Variants in XPO4 observed in about 807,000 individuals in gnomAD.
XPO4 encodes exportin-4.
A neutral mutation model predicts 143.0 loss-of-function variants in XPO4; 39 were observed. The observed-to-expected ratio is 0.27, with a 90% confidence interval of 0.21 to 0.36. The LOEUF (loss-of-function observed/expected upper bound fraction) is 0.36. Among genes scored for constraint, XPO4 ranks in the 10% least tolerant of loss-of-function variants. The pLI is 1.00. For missense variants in XPO4, 907 were observed against 1,348.0 expected (o/e 0.67, Z 5.12); for synonymous variants, 439 against 474.0 (o/e 0.93, Z 0.96).
chr13:20,802,903 A>G lies in XPO4; in HGVS notation c.1818-1913T>C, dbSNP rs562469981. The stretch of plus-strand genomic sequence containing the variant: ...AGCAAAACAATATAAATTTGAATAA[A>G]TTATTAAACATGAATAAACACAAAC... On this transcript the variant is annotated intron_variant, in intron 13 of 22. Transcript: ENST00000255305. 8.7e-4 allele frequency among the ~76,000 whole-genome samples: 132 copies of G among 152,358 alleles called. 3 individuals are homozygous for G. The South Asian group carries it at 0.026, about 30-fold the overall frequency.
At chr13:20,811,614 G>C (rs1033993109) in intron 9 of XPO4, among the ~76,000 whole-genome samples, 3 of 152,054 alleles carry the variant, frequency 2.0e-5, no homozygotes, top group Non-Finnish European at 4.4e-5. Context: ...AGGAAAATCA[G>C]ACTGCTTACA....
chr13:20,790,729 C>T (rs2059269116), intron 18 of XPO4, 149 bp from the exon 19 acceptor site: 1 of 659,740 alleles, frequency 1.5e-6, no homozygotes, highest in East Asian at 2.8e-5. Context: ...CCTGCCTGGT[C>T]TCTGGTGAGG....
intron 13 of XPO4, among the ~76,000 whole-genome samples, chr13:20,805,458 G>C (rs1405516682): frequency 6.6e-6 from 1 of 152,092 alleles, no homozygotes; most frequent in African/African-American, 2.4e-5. Context: ...CATTCTTGCT[G>C]TTCTTGAACA....
At chr13:20,870,479 G>A (rs1291218017) in intron 1 of XPO4, among the ~76,000 whole-genome samples, 1 of 151,762 alleles carries the variant, frequency 6.6e-6, no homozygotes. Context: ...GGCTGGGTGC[G>A]GTGGCTCATG....
intron 6 of XPO4, among the ~76,000 whole-genome samples, chr13:20,840,435 T>C (rs2059963177): frequency 6.6e-6 from 1 of 152,008 alleles, no homozygotes; most frequent in African/African-American, 2.4e-5. Context: ...CTCGAACTCC[T>C]AGACTCAAGC....
rs760275592 is a variant in XPO4 at position 20,800,986 on chromosome 13, A to G, written c.1822T>C (p.Leu608=). The G allele has an allele frequency of 2.5e-6, 4 of 1,613,738 alleles. No individual in the cohort carries two copies. The highest frequency in any genetic ancestry group is 1.7e-5 in the Admixed American group (1 of 60,014). Residue 608 remains leucine, a synonymous_variant, in exon 14 of 23, where the codon TTG becomes CTG. Transcript: ENST00000255305. ...YNRTDSVIRL[L]SAILRVSEVE... ...TCTGAAACTCTGAGAATGGCAGACA[A>G]CAGCCTGTAGGTATAAAACAGAAGT...
intron 1 of XPO4, among the ~76,000 whole-genome samples, chr13:20,886,240 T>A (rs769664582): frequency 6.6e-6 from 1 of 151,994 alleles, no homozygotes; most frequent in Non-Finnish European, 1.5e-5. Context: ...AGCAATTAAG[T>A]AAGAAATTGA....
intron 9 of XPO4, among the ~76,000 whole-genome samples, chr13:20,821,279 A>T (rs1482196519): frequency 6.6e-6 from 1 of 150,682 alleles, no homozygotes; most frequent in Non-Finnish European, 1.5e-5. Flanking sequence ...TGTTTACATA[A>T]TTGCCAAATA....
intron 6 of XPO4, among the ~76,000 whole-genome samples, chr13:20,834,648 A>T (rs1662622785): frequency 6.6e-6 from 1 of 151,854 alleles, no homozygotes; most frequent in African/African-American, 2.4e-5. Context: ...AAAGAAATAA[A>T]AAAAAAAAAC....
chr13:20,902,455 G>C, intron 1 of XPO4: 1 of 985,462 alleles, frequency 1.0e-6, no homozygotes, highest in Non-Finnish European at 1.2e-6. Flanking sequence ...GTGCTGGGCA[G>C]CCAGGGGAAG....
intron 18 of XPO4, among the ~76,000 whole-genome samples, chr13:20,792,047 C>A (rs1267658410): frequency 6.6e-6 from 1 of 152,178 alleles, no homozygotes; most frequent in Non-Finnish European, 1.5e-5. Context: ...CAGGTATCTG[C>A]CAAGAAGACA....
intron 6 of XPO4, among the ~76,000 whole-genome samples, chr13:20,842,383 C>T (rs1379204343): frequency 1.3e-5 from 2 of 152,132 alleles, no homozygotes; most frequent in Non-Finnish European, 2.9e-5. Flanking sequence ...TGAATAATTT[C>T]CTAAAAACAA....
chr13:20,842,815 A>T (rs1187410521), intron 6 of XPO4, 80 bp downstream of exon 6: 42 of 1,257,408 alleles, frequency 3.3e-5, no homozygotes, highest in Non-Finnish European at 3.6e-5. Flanking sequence ...TGAAAGCTGC[A>T]GAGGTGAAAG....
At position 20,850,421 on chromosome 13, in the gene XPO4, A is replaced by C. The variant is rs540757448; in HGVS notation, c.456+5206T>G. On this transcript the variant is annotated intron_variant, in intron 4 of 22. Coordinates refer to ENST00000255305, the MANE Select transcript of XPO4 (RefSeq NM_022459.5). Reference sequence around the variant, plus strand: ...GAATCCAAAATCAGTGTTCTATTATACTACACTGCCCCTAAACCTGTATAA... The same window carrying C: ...GAATCCAAAATCAGTGTTCTATTATCCTACACTGCCCCTAAACCTGTATAA... 542 of 245,638 alleles carry C rather than the reference A, an allele frequency of 2.2e-3. 4 individuals are homozygous for C. The highest frequency in any genetic ancestry group is 0.012 in the African/African-American group (521 of 43,312). The allele number at this position is 245,638 out of a possible 1,614,324, so 15.2% of individuals were successfully genotyped here.
At chr13:20,864,450 G>A (rs745454240) in intron 2 of XPO4, among the ~76,000 whole-genome samples, 15 of 152,010 alleles carry the variant, frequency 9.9e-5, no homozygotes, top group Non-Finnish European at 1.8e-4. Context: ...AAAATCTAAG[G>A]TACTCTAAGA....
At chr13:20,812,038 T>G (rs190862849) in intron 9 of XPO4, among the ~76,000 whole-genome samples, 1 of 152,250 alleles carries the variant, frequency 6.6e-6, no homozygotes, top group Admixed American at 6.5e-5. Context: ...ATTTTTAAAG[T>G]TGAAAACCCA....
intron 13 of XPO4, among the ~76,000 whole-genome samples, chr13:20,802,605 G>A (rs2059449275): frequency 6.6e-6 from 1 of 152,018 alleles, no homozygotes; most frequent in Admixed American, 6.5e-5. Flanking sequence ...TTTATGCACT[G>A]GAGTTTTATT....
At chr13:20,855,486 A>T (rs2060135267) in intron 4 of XPO4, 141 bp downstream of exon 4, 1 of 944,508 alleles carries the variant, frequency 1.1e-6, no homozygotes. Flanking sequence ...AGACTAGAAG[A>T]AAACCTGAAC....
rs758505849 is a variant in XPO4 at position 20,801,007 on chromosome 13, G to A, written c.1818-17C>T. The A allele has an allele frequency of 1.2e-6, 2 of 1,603,986 alleles. No individual in the cohort carries two copies. Among genetic ancestry groups the A allele is most frequent in the Non-Finnish European group, 1.7e-6 (2 of 1,177,950 alleles). On this transcript the variant is annotated splice_polypyrimidine_tract_variant and intron_variant, in intron 13 of 22. Transcript: ENST00000255305. ...GACAACAGCCTGTAGGTATAAAACA[G>A]AAGTCATTTATTCTTTTATTTATTT...
Sources: allele counts gnomAD v4.1 joint callset (sites outside exome capture counted in the v4.1 genomes callset), GRCh38; gene constraint gnomAD v4.1.1; transcripts MANE v1.5; gene names NCBI Gene and HGNC (gene_info 2026-07-23, HGNC 2026-07-21).